MIB1: variants seen among roughly 807,000 people sequenced by gnomAD.
MIB1 encodes the protein MIB E3 ubiquitin protein ligase 1.
A neutral mutation model predicts 124.5 loss-of-function variants in MIB1; 278 were observed. The observed-to-expected ratio is 2.23, with a 90% CI of 2.02 to 2.47. The LOEUF (loss-of-function observed/expected upper bound fraction) is 2.47, where lower values mean the gene tolerates loss of function less well. MIB1 is among the 30% of genes most tolerant of loss of function. The pLI is 0.00. For synonymous variants in MIB1, 446 were observed against 429.4 expected, an observed-to-expected ratio of 1.04 and a Z score of -0.48; for missense variants, 957 against 1,254.4, an observed-to-expected ratio of 0.76 and a Z score of 3.58.
At chr18:21,781,368 TATATATATATATA>T (rs2041361377) in intron 6 of MIB1, among the ~76,000 whole-genome samples, 1 of 3,354 alleles carries the variant, frequency 3.0e-4, no homozygotes, top group Non-Finnish European at 5.5e-4. Context: ...GTTCAAGTTA[TATATATATATATA>T]TATATATATA....
chr18:21,818,399 A>G (rs1006836854), intron 11 of MIB1, among the ~76,000 whole-genome samples: 3 of 152,198 alleles, frequency 2.0e-5, no homozygotes, highest in African/African-American at 2.4e-5. Flanking sequence ...GGGTATGACA[A>G]TTAAGGCCAT....
At chr18:21,771,273 A>G (rs1367226147) in intron 3 of MIB1, among the ~76,000 whole-genome samples, 1 of 152,244 alleles carries the variant, frequency 6.6e-6, no homozygotes, top group Non-Finnish European at 1.5e-5. Flanking sequence ...ATTTCATTTA[A>G]TGATTTGGAG....
chr18:21,869,979 CAT>C lies in MIB1; in HGVS notation c.*5315_*5316del, dbSNP rs1268622171. The C allele has an allele frequency of 6.6e-6, 1 of 152,328 alleles. No homozygotes were observed. Among genetic ancestry groups the C allele is most frequent in the African/African-American group, 2.4e-5 (1 of 41,462 alleles). The allele number at this position is 152,328 out of a possible 1,614,324, so 9.4% of individuals were successfully genotyped here. A position where few individuals can be genotyped will look rare whatever the true frequency, so the allele number is the denominator to read the frequency against. On this transcript the variant is annotated 3_prime_UTR_variant, in exon 21 of 21. Coordinates refer to ENST00000261537, the MANE Select transcript of MIB1 (RefSeq NM_020774.4). ...TTCAATGATAGCAGTTCAATTGACT[CAT>C]AGCAGTGTTTTGTATTTTTTCTAAT... is the stretch of plus-strand genomic sequence containing the variant.
chr18:21,714,629 C>G (rs931933920), intron 1 of MIB1, among the ~76,000 whole-genome samples: 2 of 152,084 alleles, frequency 1.3e-5, no homozygotes, highest in Non-Finnish European at 2.9e-5. Flanking sequence ...ATCTGCTTTA[C>G]CAATAAAGGG....
At chr18:21,750,688 T>G (rs1314998594) in intron 1 of MIB1, among the ~76,000 whole-genome samples, 1 of 152,096 alleles carries the variant, frequency 6.6e-6, no homozygotes, top group Non-Finnish European at 1.5e-5. Context: ...GGTCTGGAAC[T>G]CCTGACCTCA....
chr18:21,767,431 A>G (rs941585142), intron 2 of MIB1, among the ~76,000 whole-genome samples: 1 of 152,200 alleles, frequency 6.6e-6, no homozygotes, highest in Admixed American at 6.5e-5. Flanking sequence ...GTTACCTCCC[A>G]CTGGGTCCCT....
chr18:21,725,664 A>G (rs1056492176), intron 1 of MIB1, among the ~76,000 whole-genome samples: 15 of 152,320 alleles, frequency 9.8e-5, no homozygotes, highest in Admixed American at 7.8e-4. Flanking sequence ...CTGGACAAAC[A>G]TAAAGTAAAT....
intron 12 of MIB1, among the ~76,000 whole-genome samples, chr18:21,822,669 T>C (rs2041889407): frequency 6.9e-6 from 1 of 145,334 alleles, no homozygotes; most frequent in South Asian, 2.3e-4. Context: ...TTTTGAATTC[T>C]TTTTTTCATA....
intron 1 of MIB1, among the ~76,000 whole-genome samples, chr18:21,721,159 GTTTTTTTTTTTTTTTTTT>G (rs34277676): frequency 1.3e-3 from 38 of 29,760 alleles, no homozygotes; most frequent in Admixed American, 2.1e-3. Context: ...TTTTAAAGAA[GTTTTTTTTTTTTTTTTTT>G]TTTTTTTTTT....
In MIB1 at chr18:21,849,286, TA is replaced by T. The variant is rs2146511365; in HGVS notation, c.2485del (p.Thr829LeufsTer65). The T allele has an allele frequency of 6.2e-7, 1 of 1,612,384 alleles. No individual in the cohort carries two copies. Among genetic ancestry groups the T allele is most frequent in the South Asian group, 1.1e-5 (1 of 91,020 alleles). ...TGGTGTGCTCAGATATGAAGAGAGATACTCTTTTTGGTCCATGTGGACATAT... is the reference window on the plus strand; with the variant it reads ...TGGTGTGCTCAGATATGAAGAGAGATCTCTTTTTGGTCCATGTGGACATAT... ...CMVCSDMKRD[T>X]LFGPCGHIAT... On this transcript the variant is annotated frameshift_variant, in exon 17 of 21. Coordinates refer to ENST00000261537, the MANE Select transcript of MIB1 (RefSeq NM_020774.4). LOFTEE classifies it high-confidence loss of function.
At chr18:21,747,169 A>G (rs1479077502) in intron 1 of MIB1, among the ~76,000 whole-genome samples, 2 of 152,226 alleles carry the variant, frequency 1.3e-5, no homozygotes, top group African/African-American at 2.4e-5. Context: ...CATAGATCCT[A>G]CCTATTTTAA....
intron 1 of MIB1, among the ~76,000 whole-genome samples, chr18:21,731,199 T>C (rs1007287769): frequency 1.3e-5 from 2 of 152,222 alleles, no homozygotes; most frequent in African/African-American, 4.8e-5. Context: ...GATTATAAGT[T>C]TCTGGGGTGC....
At chr18:21,835,903 A>G (rs1218254695) in intron 12 of MIB1, among the ~76,000 whole-genome samples, 5 of 150,518 alleles carry the variant, frequency 3.3e-5, no homozygotes, top group Non-Finnish European at 7.4e-5. Context: ...ATGTTTGAGT[A>G]TACATCTATA....
rs1568233496 is a variant in MIB1 at position 21,868,192 on chromosome 18, G to A, written c.*3526G>A. On this transcript the variant is annotated 3_prime_UTR_variant, in exon 21 of 21. Transcript: ENST00000261537. ...AAAGAATACAGTTCAGCCATGTGAA[G>A]TACATTTACACTGTTGTGAAGCAGA... The A allele has an allele frequency of 6.6e-6, 1 of 151,946 alleles. No individual in the cohort carries two copies. Among genetic ancestry groups the A allele is most frequent in the Non-Finnish European group, 1.5e-5 (1 of 67,898 alleles). The allele number at this position is 151,946 out of a possible 1,614,324, so 9.4% of individuals were successfully genotyped here.
At chr18:21,857,852 A>T (rs767505579) in intron 19 of MIB1, among the ~76,000 whole-genome samples, 1 of 152,232 alleles carries the variant, frequency 6.6e-6, no homozygotes, top group Non-Finnish European at 1.5e-5. Flanking sequence ...AACATGTTTT[A>T]TGAGCAGATG....
At chr18:21,724,727 A>AAAAAAAAAAATAT (rs1350936232) in intron 1 of MIB1, among the ~76,000 whole-genome samples, 1 of 17,370 alleles carries the variant, frequency 5.8e-5, no homozygotes, top group African/African-American at 1.8e-4. Flanking sequence ...AAAAAAAAAA[A>AAAAAAAAAAATAT]ATATATATAT....
chr18:21,836,709 G>A (rs529786959), intron 12 of MIB1, among the ~76,000 whole-genome samples: 47 of 152,110 alleles, frequency 3.1e-4, no homozygotes, highest in African/African-American at 9.9e-4. Context: ...TTAATAAAAC[G>A]TTTTTCCACT....
chr18:21,864,598 T>C lies in MIB1; in HGVS notation c.2953T>C (p.Cys985Arg), dbSNP rs1015393809. ...FLCGHGTCQL[C>R]GDRMSECPIC... is the part of the protein sequence containing the mutation. ...TTGTGGTCACGGAACCTGTCAACTC[T>C]GTGGAGACCGCATGAGTGAATGTCC... Residue 985 changes from cysteine (C) to arginine (R), a missense_variant, in exon 21 of 21, where the codon TGT becomes CGT. By Grantham distance (180) the Cys-to-Arg change is radical. Coordinates refer to ENST00000261537, the MANE Select transcript of MIB1 (RefSeq NM_020774.4). 2 of 1,613,552 alleles carry C rather than the reference T, an allele frequency of 1.2e-6. No individual in the cohort carries two copies. The highest frequency in any genetic ancestry group is 1.1e-5 in the South Asian group (1 of 91,068).
intron 10 of MIB1, among the ~76,000 whole-genome samples, chr18:21,814,443 C>T (rs1369633139): frequency 6.6e-6 from 1 of 151,576 alleles, no homozygotes; most frequent in Non-Finnish European, 1.5e-5. Flanking sequence ...GTAGGACGTG[C>T]ACGGTGGCTC....
Sources: allele counts gnomAD v4.1 joint callset (sites outside exome capture counted in the v4.1 genomes callset), GRCh38; gene constraint gnomAD v4.1.1; transcripts MANE v1.5; gene names NCBI Gene and HGNC (gene_info 2026-07-23, HGNC 2026-07-21).